MALRD1: variants seen among roughly 807,000 people sequenced by gnomAD.
MALRD1 encodes MAM and LDL-receptor class A domain-containing protein 1.
In MALRD1, 247 loss-of-function variants were observed where a neutral mutation model predicts 242.1. The observed-to-expected ratio is 1.02, with a 90% CI of 0.92 to 1.13. MALRD1 has a LOEUF of 1.13. MALRD1 is among the 50% of genes most tolerant of loss of function. The pLI is 0.00. For missense variants in MALRD1, 2,989 were observed against 2,533.1 expected (o/e 1.18, Z -3.86); for synonymous variants, 995 against 866.6 (o/e 1.15, Z -2.60).
chr10:19,161,067 G>A (rs1173956501), intron 12 of MALRD1, among the ~76,000 whole-genome samples: 4 of 147,342 alleles, frequency 2.7e-5, no homozygotes, highest in East Asian at 4.0e-4. Flanking sequence ...TGTTTATTGC[G>A]GCACTATTCA....
intron 33 of MALRD1, among the ~76,000 whole-genome samples, chr10:19,575,812 A>G (rs1836791358): frequency 6.6e-6 from 1 of 152,138 alleles, no homozygotes; most frequent in African/African-American, 2.4e-5. Context: ...TTACTGCCCA[A>G]GTTCTCATTT....
intron 33 of MALRD1, among the ~76,000 whole-genome samples, chr10:19,592,589 G>A (rs1020717316): frequency 6.6e-6 from 1 of 152,282 alleles, no homozygotes; most frequent in Admixed American, 6.5e-5. Context: ...AAGCCCAATG[G>A]CGACCTTGAA....
chr10:19,438,027 A>AT lies in MALRD1; in HGVS notation c.4846-12273dup, dbSNP rs113094546. Among the ~76,000 whole-genome samples the AT allele has an allele frequency of 2.8e-3, 420 of 151,964 alleles. 4 individuals carry two copies. The highest frequency in any genetic ancestry group is 8.5e-3 in the African/African-American group (351 of 41,482). The stretch of plus-strand genomic sequence containing the variant: ...TAGAAGTCCCTGCCGTGAGTTTTAG[A>AT]TTTTTTTATTTTAAATTGTGGTAAA... On this transcript the variant is annotated intron_variant, in intron 28 of 39. Transcript: ENST00000454679.
intron 29 of MALRD1, among the ~76,000 whole-genome samples, chr10:19,479,507 G>C (rs1836891708): frequency 6.6e-6 from 1 of 152,180 alleles, no homozygotes; most frequent in Non-Finnish European, 1.5e-5. Context: ...AATTAGGTAA[G>C]TGACATAAGA....
At chr10:19,052,945 C>G (rs936383264) in intron 1 of MALRD1, among the ~76,000 whole-genome samples, 1 of 152,182 alleles carries the variant, frequency 6.6e-6, no homozygotes, top group Non-Finnish European at 1.5e-5. Flanking sequence ...CCAACACCTT[C>G]TATGATACTT....
chr10:19,054,016 TG>T (rs1834590026), intron 1 of MALRD1, among the ~76,000 whole-genome samples: 1 of 152,164 alleles, frequency 6.6e-6, no homozygotes, highest in East Asian at 1.9e-4. Context: ...AATAACTGTT[TG>T]GGTCTAGTGT....
At chr10:19,360,505 T>C (rs1053336862) in intron 26 of MALRD1, among the ~76,000 whole-genome samples, 1 of 152,146 alleles carries the variant, frequency 6.6e-6, no homozygotes, top group Non-Finnish European at 1.5e-5. Flanking sequence ...TACCCATCCC[T>C]GCTCACTCTC....
At chr10:19,563,481 A>G (rs1300561927) in intron 32 of MALRD1, among the ~76,000 whole-genome samples, 2 of 152,164 alleles carry the variant, frequency 1.3e-5, no homozygotes, top group African/African-American at 4.8e-5. Flanking sequence ...CCCCTTTTAG[A>G]ACAGCTGAGT....
intron 19 of MALRD1, among the ~76,000 whole-genome samples, chr10:19,275,813 T>C (rs1285018407): frequency 6.6e-6 from 1 of 152,242 alleles, no homozygotes; most frequent in Non-Finnish European, 1.5e-5. Context: ...TTTAGCTGTT[T>C]ATTGAAGTTT....
intron 17 of MALRD1, among the ~76,000 whole-genome samples, chr10:19,208,470 A>G (rs1044536913): frequency 6.6e-6 from 1 of 152,182 alleles, no homozygotes; most frequent in African/African-American, 2.4e-5. Context: ...ATGAGCATAC[A>G]TGAAAGAATC....
At chr10:19,704,128 AT>A (rs34258741) in intron 38 of MALRD1, among the ~76,000 whole-genome samples, 8 of 151,442 alleles carry the variant, frequency 5.3e-5, no homozygotes, top group East Asian at 3.9e-4. Context: ...AAAAATCAGA[AT>A]TTTTTTTTAG....
chr10:19,333,790 G>A (rs1028166275), intron 24 of MALRD1, among the ~76,000 whole-genome samples: 11 of 151,624 alleles, frequency 7.3e-5, no homozygotes, highest in African/African-American at 1.5e-4. Flanking sequence ...GCCTTTTCTC[G>A]GTAACCTCGC....
Position 19,730,729 on chromosome 10 carries a change from G to C in MALRD1, c.6338G>C (p.Cys2113Ser), listed in dbSNP as rs747282898. Residue 2113 changes from cysteine (C) to serine (S), a missense_variant, in exon 39 of 40, where the codon TGT becomes TCT. Transcript: ENST00000454679. ...AGGAAAACCGAGGGAAGTGGTAACT[G>C]TGCCTTTGTCAATCCAGTTTACGGG... ...PIRKTEGSGNCAFVNPVYGNW... is the reference protein window; with the variant it reads ...PIRKTEGSGNSAFVNPVYGNW... 2 of 1,536,672 alleles carry C rather than the reference G, an allele frequency of 1.3e-6. No homozygotes were observed. Among genetic ancestry groups the C allele is most frequent in the African/African-American group, 1.4e-5 (1 of 73,146 alleles).
Position 19,595,200 on chromosome 10 carries a change from T to C in MALRD1, c.5687T>C (p.Val1896Ala), listed in dbSNP as rs1014547387. 5.2e-6 allele frequency: 8 copies of C among 1,549,082 alleles called. No individual in the cohort carries two copies. The African/African-American group carries it at 1.1e-4, about 21-fold the overall frequency. Residue 1896 changes from valine to alanine, a missense_variant, in exon 34 of 40, where the codon GTC becomes GCC. Val to Ala is a moderately conservative substitution (Grantham distance 64, BLOSUM62 0). Transcript: ENST00000454679. ...GACTTGCTCTCTTTTTTAGGTCCTG[T>C]CCCAGTGCAGCCATCACCCTGTGAA... ...FTPECVTGGP[V>A]PVQPSPCEAD...
In MALRD1 at chr10:19,257,767, C is replaced by A. The variant is rs1451781559; in HGVS notation, c.3075C>A (p.Tyr1025Ter). ...DDLSFMDCTL[Y>*]PGNLPADLPT... ...TGTCATTTATGGACTGCACCCTCTACCCTGGTAAGAGAGAACATTTCAATT... is the reference window on the plus strand; with the variant it reads ...TGTCATTTATGGACTGCACCCTCTAACCTGGTAAGAGAGAACATTTCAATT... The change falls in exon 19 of 40, where the codon TAC becomes TAA. Residue 1025 changes from tyrosine to a stop codon, truncating the protein, a stop_gained. Transcript: ENST00000454679. LOFTEE classifies it high-confidence loss of function. 6.6e-7 allele frequency: 1 copy of A among 1,522,778 alleles called. No homozygotes were observed. The highest frequency in any genetic ancestry group is 8.8e-7 in the Non-Finnish European group (1 of 1,130,790). 94.3% of individuals were successfully genotyped at this position (1,522,778 alleles called of 1,614,324 possible).
chr10:19,719,237 T>TACATACATAC (rs1286755272), intron 38 of MALRD1, among the ~76,000 whole-genome samples: 2,249 of 124,880 alleles, frequency 0.018, 238 homozygotes, highest in Admixed American at 0.086. Flanking sequence ...TATATATATA[T>TACATACATAC]ATATATATAT....
chr10:19,205,530 G>C (rs187729598), intron 17 of MALRD1, among the ~76,000 whole-genome samples: 1 of 151,626 alleles, frequency 6.6e-6, no homozygotes, highest in African/African-American at 2.4e-5. Flanking sequence ...CTTACTGAAA[G>C]ACAAATATCT....
intron 36 of MALRD1, among the ~76,000 whole-genome samples, chr10:19,629,008 A>G (rs1462005981): frequency 6.6e-6 from 1 of 152,134 alleles, no homozygotes; most frequent in Non-Finnish European, 1.5e-5. Flanking sequence ...CGCCCAGCTC[A>G]CCAAGCCTTC....
chr10:19,342,391 A>G (rs991395248), intron 24 of MALRD1, among the ~76,000 whole-genome samples: 2 of 152,174 alleles, frequency 1.3e-5, no homozygotes, highest in African/African-American at 4.8e-5. Context: ...TTTGGTAAAC[A>G]TTAGGCACCC....
Sources: gnomAD v4.1 joint callset for allele counts (sites outside exome capture counted in the v4.1 genomes callset) on GRCh38, gnomAD v4.1.1 for gene constraint, MANE v1.5 for transcripts, NCBI Gene and HGNC (gene_info 2026-07-23, HGNC 2026-07-21) for gene names.